Variants in IMMP2L observed in about 807,000 individuals in gnomAD.
The protein encoded by IMMP2L is mitochondrial inner membrane protease subunit 2.
IMMP2L carries 18 observed loss-of-function variants against 19.3 expected under a neutral mutation model. The ratio of observed to expected loss-of-function variants is 0.93; its 90% CI spans 0.64 to 1.38. The LOEUF (loss-of-function observed/expected upper bound fraction) is 1.38. IMMP2L is among the 40% of genes most tolerant of loss of function. IMMP2L has a pLI of 0.00. For synonymous variants in IMMP2L, 76 were observed against 73.0 expected, an observed-to-expected ratio of 1.04 and a Z score of -0.21; for missense variants, 233 against 218.2, an observed-to-expected ratio of 1.07 and a Z score of -0.43.
chr7:111,492,028 C>G (rs921291135), intron 2 of IMMP2L, among the ~76,000 whole-genome samples: 6 of 151,918 alleles, frequency 3.9e-5, no homozygotes, highest in African/African-American at 1.4e-4. Flanking sequence ...TCAAAAATCC[C>G]AAGTTCACCA....
intron 3 of IMMP2L, among the ~76,000 whole-genome samples, chr7:111,370,170 A>C (rs990469128): frequency 2.6e-5 from 4 of 152,000 alleles, no homozygotes; most frequent in Non-Finnish European, 5.9e-5. Context: ...GTTGTTTGGA[A>C]ACCTAGAATC....
At chr7:111,021,796 T>C (rs1008810531) in intron 3 of IMMP2L, among the ~76,000 whole-genome samples, 7 of 152,188 alleles carry the variant, frequency 4.6e-5, no homozygotes, top group South Asian at 2.1e-4. Context: ...GGCAGGAGAA[T>C]TGCTTGAATC....
intron 5 of IMMP2L, among the ~76,000 whole-genome samples, chr7:110,816,189 G>C (rs1802498992): frequency 6.6e-6 from 1 of 152,126 alleles, no homozygotes; most frequent in Admixed American, 6.6e-5. Context: ...TGGTTTCAAA[G>C]AACATCTTTA....
intron 3 of IMMP2L, among the ~76,000 whole-genome samples, chr7:110,999,395 C>A (rs1823397583): frequency 6.7e-6 from 1 of 149,134 alleles, no homozygotes; most frequent in South Asian, 2.1e-4. Flanking sequence ...AGCTTTTCTC[C>A]CCCATATTTT....
rs368729945 is a variant in IMMP2L, at chr7:111,350,803, T to C, written c.239+136435A>G. Among the ~76,000 whole-genome samples the C allele has an allele frequency of 3.0e-4, 46 of 152,290 alleles. 2 individuals are homozygous for C. The highest frequency in any genetic ancestry group is 1.4e-3 in the East Asian group (7 of 5,182). ...GGACTTTGACCTCTCATCTTTTGTATCTATTTTTAATTGTGTTAGAGGCCA... is the reference window on the plus strand; with the variant it reads ...GGACTTTGACCTCTCATCTTTTGTACCTATTTTTAATTGTGTTAGAGGCCA... On this transcript the variant is annotated intron_variant, in intron 3 of 5. Transcript: ENST00000405709.
At chr7:111,267,946 C>G (rs912678202) in intron 3 of IMMP2L, among the ~76,000 whole-genome samples, 5 of 151,340 alleles carry the variant, frequency 3.3e-5, no homozygotes, top group African/African-American at 1.2e-4. Flanking sequence ...TAAATTCTGG[C>G]CCATTCATGC....
At chr7:111,205,680 A>G (rs1735679919) in intron 3 of IMMP2L, among the ~76,000 whole-genome samples, 1 of 152,160 alleles carries the variant, frequency 6.6e-6, no homozygotes, top group African/African-American at 2.4e-5. Flanking sequence ...AGATTTACAC[A>G]CTTAAAAAAA....
At chr7:110,985,625 A>T (rs1821780081) in intron 3 of IMMP2L, among the ~76,000 whole-genome samples, 1 of 152,142 alleles carries the variant, frequency 6.6e-6, no homozygotes, top group Non-Finnish European at 1.5e-5. Flanking sequence ...TGAATGTTTT[A>T]ATTTTTATAG....
At chr7:111,082,562 G>A (rs1169412599) in intron 3 of IMMP2L, among the ~76,000 whole-genome samples, 1 of 152,030 alleles carries the variant, frequency 6.6e-6, no homozygotes, top group Non-Finnish European at 1.5e-5. Context: ...CAGACAAAAC[G>A]AGTGGTTTCC....
chr7:111,074,019 G>T (rs1186356605), intron 3 of IMMP2L, among the ~76,000 whole-genome samples: 1 of 152,128 alleles, frequency 6.6e-6, no homozygotes, highest in Non-Finnish European at 1.5e-5. Flanking sequence ...CATTCAAATG[G>T]AAATCACTTC....
chr7:110,941,778 C>T (rs755930245), intron 4 of IMMP2L, among the ~76,000 whole-genome samples: 11 of 152,052 alleles, frequency 7.2e-5, no homozygotes, highest in Non-Finnish European at 1.5e-4. Context: ...AGAACACAAA[C>T]GAAAATCATG....
intron 3 of IMMP2L, among the ~76,000 whole-genome samples, chr7:111,135,187 T>G (rs1236305331): frequency 1.3e-5 from 2 of 152,162 alleles, no homozygotes; most frequent in African/African-American, 4.8e-5. Flanking sequence ...CCATAATATC[T>G]ATGAGACCAA....
chr7:111,001,707 A>T (rs1240505673), intron 3 of IMMP2L, among the ~76,000 whole-genome samples: 1 of 152,230 alleles, frequency 6.6e-6, no homozygotes, highest in Non-Finnish European at 1.5e-5. Flanking sequence ...GCAAAGTTCA[A>T]ACACAAAGTT....
intron 3 of IMMP2L, among the ~76,000 whole-genome samples, chr7:111,458,711 T>G (rs1174456749): frequency 2.0e-5 from 3 of 152,136 alleles, no homozygotes; most frequent in Non-Finnish European, 2.9e-5. Flanking sequence ...TCCTTCATCT[T>G]GATTCACTCC....
At chr7:110,842,818 A>G (rs917387231) in intron 5 of IMMP2L, among the ~76,000 whole-genome samples, 8 of 152,152 alleles carry the variant, frequency 5.3e-5, no homozygotes, top group Non-Finnish European at 1.0e-4. Flanking sequence ...CCTTATGACT[A>G]AGCCTGACAG....
intron 3 of IMMP2L, among the ~76,000 whole-genome samples, chr7:111,147,151 A>G (rs908926522): frequency 3.9e-5 from 6 of 152,090 alleles, no homozygotes; most frequent in Non-Finnish European, 5.9e-5. Context: ...TATAATTTCT[A>G]TAAGTTTTCC....
At chr7:110,902,427 T>C (rs1342170181) in intron 4 of IMMP2L, among the ~76,000 whole-genome samples, 1 of 149,566 alleles carries the variant, frequency 6.7e-6, no homozygotes, top group African/African-American at 2.5e-5. Context: ...ATTGGGCTGA[T>C]CCTGATCTGG....
At chr7:111,418,151 T>C (rs1277123138) in intron 3 of IMMP2L, among the ~76,000 whole-genome samples, 1 of 151,886 alleles carries the variant, frequency 6.6e-6, no homozygotes, top group Non-Finnish European at 1.5e-5. Flanking sequence ...ATAATGTCAC[T>C]GACCATCTTT....
At chr7:110,971,257 C>T (rs77262075) in intron 3 of IMMP2L, among the ~76,000 whole-genome samples, 311 of 152,172 alleles carry the variant, frequency 2.0e-3, no homozygotes, top group Non-Finnish European at 3.8e-3. Context: ...GTATGAGATG[C>T]CAAGCTTAGG....
Sources: gnomAD v4.1 joint callset for allele counts (sites outside exome capture counted in the v4.1 genomes callset) on GRCh38, gnomAD v4.1.1 for gene constraint, MANE v1.5 for transcripts, NCBI Gene and HGNC (gene_info 2026-07-23, HGNC 2026-07-21) for gene names.